CASZ1: variants seen among roughly 807,000 people sequenced by gnomAD.
CASZ1 encodes the protein zinc finger protein castor homolog 1.
A neutral mutation model predicts 135.2 loss-of-function variants in CASZ1; 28 were observed. That is an observed-to-expected ratio of 0.21 (90% CI 0.15 to 0.28). The LOEUF is 0.28. Ranked by LOEUF, CASZ1 falls within the 10% of genes least tolerant of loss-of-function variation. CASZ1 has a pLI of 1.00. For synonymous variants in CASZ1, 1,068 were observed against 1,073.4 expected (o/e 0.99, Z 0.10); for missense variants, 2,161 against 2,453.3 (o/e 0.88, Z 2.52).
intron 2 of CASZ1, among the ~76,000 whole-genome samples, chr1:10,738,432 C>G (rs34071855): frequency 0.34 from 52,461 of 152,204 alleles, 9,999 homozygotes; most frequent in East Asian, 0.74. Flanking sequence ...CACAGCAGGC[C>G]GGGGAAGGGG....
At chr1:10,765,194 C>T (rs1420952252) in intron 1 of CASZ1, among the ~76,000 whole-genome samples, 3 of 151,918 alleles carry the variant, frequency 2.0e-5, no homozygotes, top group Admixed American at 1.3e-4. Context: ...TACGGGGAGG[C>T]GCCTATCATC....
In CASZ1 at chr1:10,717,944, C is replaced by T. The variant is rs943966407; in HGVS notation, c.-76-12400G>A. Among the ~76,000 whole-genome samples, 5 of 152,250 alleles carry T rather than the reference C, an allele frequency of 3.3e-5. No individual in the cohort carries two copies. Among genetic ancestry groups the T allele is most frequent in the South Asian group, 4.1e-4 (2 of 4,836 alleles). ...CTGCGAGCACGCCTGGTCGCCTCAGCGACCAAAGCGGGTGCAGGGACGGGC... is the reference window on the plus strand; with the variant it reads ...CTGCGAGCACGCCTGGTCGCCTCAGTGACCAAAGCGGGTGCAGGGACGGGC... On this transcript the variant is annotated intron_variant, in intron 2 of 20. Coordinates refer to ENST00000377022, the MANE Select transcript of CASZ1 (RefSeq NM_001079843.3). The surrounding 1 kb of genome is among the most constrained non-coding windows in gnomAD (Gnocchi z 4.6).
At chr1:10,740,826 C>T (rs905019599) in intron 2 of CASZ1, among the ~76,000 whole-genome samples, 4 of 151,478 alleles carry the variant, frequency 2.6e-5, no homozygotes, top group South Asian at 2.1e-4. Context: ...GTTGCGGTGG[C>T]GCACACCTGT....
chr1:10,748,650 T>C (rs1445457666), intron 2 of CASZ1, among the ~76,000 whole-genome samples: 3 of 152,086 alleles, frequency 2.0e-5, no homozygotes, highest in Non-Finnish European at 2.9e-5. Context: ...ACCTGACCAC[T>C]AGTTCCAGGC....
chr1:10,729,431 T>G (rs1639662880), intron 2 of CASZ1, among the ~76,000 whole-genome samples: 2 of 152,078 alleles, frequency 1.3e-5, no homozygotes, highest in South Asian at 4.1e-4. Flanking sequence ...TAGCTATCTT[T>G]CCCACCGCAG....
intron 4 of CASZ1, among the ~76,000 whole-genome samples, chr1:10,671,450 T>C (rs1643395495): frequency 6.6e-6 from 1 of 152,092 alleles, no homozygotes; most frequent in Non-Finnish European, 1.5e-5. Flanking sequence ...CCTGCAGCCA[T>C]GAGGGGAGAC....
At position 10,728,885 on chromosome 1, in the gene CASZ1, G is replaced by A. The variant is rs78892927; in HGVS notation, c.-76-23341C>T. On this transcript the variant is annotated intron_variant, in intron 2 of 20. Coordinates refer to ENST00000377022, the MANE Select transcript of CASZ1 (RefSeq NM_001079843.3). The stretch of plus-strand genomic sequence containing the variant: ...CCTCGCTGGGCCGGGCCCAGCACAC[G>A]GGGGCCGCAGGCCCTTTGTTCCACA... 5.4e-3 allele frequency among the ~76,000 whole-genome samples: 823 copies of A among 152,266 alleles called. 40 individuals carry two copies. In the East Asian group the frequency reaches 0.12, roughly 22 times the overall value.
rs954509303 is a variant in CASZ1 at position 10,756,301 on chromosome 1, A to AC, written c.-77+4399dup. ...TTCCCACTTGGGACATCCCCGATGCACCCCCCACCCTCGCCCCCGCAAGAC... is the reference window on the plus strand; with the variant it reads ...TTCCCACTTGGGACATCCCCGATGCACCCCCCCACCCTCGCCCCCGCAAGAC... On this transcript the variant is annotated intron_variant, in intron 2 of 20. Transcript: ENST00000377022. This position sits in a 1 kb window ranked among gnomAD's most constrained non-coding sequence, Gnocchi z 5.9. Among the ~76,000 whole-genome samples, 3 of 149,932 alleles carry AC rather than the reference A, an allele frequency of 2.0e-5. No individual in the cohort carries two copies. The highest frequency in any genetic ancestry group is 4.5e-5 in the Non-Finnish European group (3 of 67,398).
Position 10,651,069 on chromosome 1 carries a change from C to A in CASZ1, c.2688G>T (p.Gly896=). 1 of 1,523,666 alleles carries A rather than the reference C, an allele frequency of 6.6e-7. No homozygotes were observed. Among genetic ancestry groups the A allele is most frequent in the East Asian group, 2.3e-5 (1 of 42,904 alleles). The allele number at this position is 1,523,666 out of a possible 1,614,324, so 94.4% of individuals were successfully genotyped here. ...KPSATFDPGS[G]QQVTPARFPP... ...GGAACCTGGCTGGGGTGACCTGCTG[C>A]CCGCTTCCTGCAGGGGAGGGGTGGG... Residue 896 remains glycine, a synonymous_variant, in exon 12 of 21, where the codon GGG becomes GGT. Coordinates refer to ENST00000377022, the MANE Select transcript of CASZ1 (RefSeq NM_001079843.3).
At position 10,637,622 on chromosome 1, in the gene CASZ1, G is replaced by A. The variant is rs188185377; in HGVS notation, c.*1320C>T. 2.6e-5 allele frequency: 4 copies of A among 152,412 alleles called. No homozygotes were observed. Among genetic ancestry groups the A allele is most frequent in the African/African-American group, 9.6e-5 (4 of 41,514 alleles). 9.4% of individuals were successfully genotyped at this position (152,412 alleles called of 1,614,324 possible). ...GGGAAGGTGGGCAGGTGTGGCCTCG[G>A]GCAGCCTGCCCTCGCAGGGGACTCG... On this transcript the variant is annotated 3_prime_UTR_variant, in exon 21 of 21. Coordinates refer to ENST00000377022, the MANE Select transcript of CASZ1 (RefSeq NM_001079843.3).
At chr1:10,683,513 G>A in intron 4 of CASZ1, among the ~76,000 whole-genome samples, 1 of 152,140 alleles carries the variant, frequency 6.6e-6, no homozygotes, top group East Asian at 1.9e-4. Flanking sequence ...CAGTGAACCG[G>A]GGGGCAAGGT....
chr1:10,639,036 TCCG>T lies in CASZ1; in HGVS notation c.5183_5185del (p.Ala1728del), dbSNP rs779050270. The stretch of plus-strand genomic sequence containing the variant: ...GGTCCGCGCGCCCGCGCCCGCCGCC[TCCG>T]CCGCCGCCTCGGGCAGCGACTCCTC... On this transcript the variant is annotated inframe_deletion, in exon 21 of 21. Coordinates refer to ENST00000377022, the MANE Select transcript of CASZ1 (RefSeq NM_001079843.3). The surrounding 1 kb of genome is among the most constrained non-coding windows in gnomAD (Gnocchi z 4.0). 3 of 1,040,210 alleles carry T rather than the reference TCCG, an allele frequency of 2.9e-6. No homozygotes were observed. The highest frequency in any genetic ancestry group is 1.0e-4 in the East Asian group (1 of 9,764). The allele number at this position is 1,040,210 out of a possible 1,614,324, so 64.4% of individuals were successfully genotyped here.
Position 10,646,001 on chromosome 1 carries a change from G to C in CASZ1, c.3696+127C>G. Reference sequence around the variant, plus strand: ...TGGTGCTCTTTCCAGAGTCCGGGAGGCCCATTTAAATAAGCAAGGTGTGAG... The same window carrying C: ...TGGTGCTCTTTCCAGAGTCCGGGAGCCCCATTTAAATAAGCAAGGTGTGAG... On this transcript the variant is annotated intron_variant, in intron 17 of 20. Coordinates refer to ENST00000377022, the MANE Select transcript of CASZ1 (RefSeq NM_001079843.3). This position sits in a 1 kb window ranked among gnomAD's most constrained non-coding sequence, Gnocchi z 6.4. 1.1e-6 allele frequency: 1 copy of C among 898,326 alleles called. No homozygotes were observed. Among genetic ancestry groups the C allele is most frequent in the Non-Finnish European group, 1.8e-6 (1 of 567,052 alleles). 55.6% of individuals were successfully genotyped at this position (898,326 alleles called of 1,614,324 possible).
Position 10,638,843 on chromosome 1 carries a change from G to A in CASZ1, c.*99C>T, listed in dbSNP as rs1642083979. The A allele has an allele frequency of 2.1e-6, 2 of 969,208 alleles. No homozygotes were observed. Among genetic ancestry groups the A allele is most frequent in the Non-Finnish European group, 2.5e-6 (2 of 815,946 alleles). 60.0% of individuals were successfully genotyped at this position (969,208 alleles called of 1,614,324 possible). On this transcript the variant is annotated 3_prime_UTR_variant, in exon 21 of 21. Transcript: ENST00000377022. The surrounding 1 kb of genome is among the most constrained non-coding windows in gnomAD (Gnocchi z 5.9). ...GACGGACTCGGGGTCCGGAAGCACC[G>A]GCGGGGCGCGGGGCTCTGCCCAGGG...
intron 2 of CASZ1, among the ~76,000 whole-genome samples, chr1:10,710,644 C>T (rs775571327): frequency 6.6e-5 from 10 of 152,224 alleles, no homozygotes; most frequent in Non-Finnish European, 1.3e-4. Flanking sequence ...GTAGGCAGTG[C>T]CTCCTCTCAA....
At position 10,694,319 on chromosome 1, in the gene CASZ1, G is replaced by A. The variant is rs189794114; in HGVS notation, c.-23-407C>T. 1,979 of 1,158,076 alleles carry A rather than the reference G, an allele frequency of 1.7e-3. 25 individuals are homozygous for A. In the African/African-American group the frequency reaches 0.027, roughly 16 times the overall value. 71.7% of individuals were successfully genotyped at this position (1,158,076 alleles called of 1,614,324 possible). Reference sequence around the variant, plus strand: ...CACCATAGTCGGAGAGTCGAAAGCCGAATTCACTTAAATAATCAACTTTCA... The same window carrying A: ...CACCATAGTCGGAGAGTCGAAAGCCAAATTCACTTAAATAATCAACTTTCA... On this transcript the variant is annotated intron_variant, in intron 3 of 20. Coordinates refer to ENST00000377022, the MANE Select transcript of CASZ1 (RefSeq NM_001079843.3). This position sits in a 1 kb window ranked among gnomAD's most constrained non-coding sequence, Gnocchi z 6.6.
intron 3 of CASZ1, among the ~76,000 whole-genome samples, chr1:10,696,815 T>C (rs1570492250): frequency 6.6e-6 from 1 of 152,220 alleles, no homozygotes; most frequent in Non-Finnish European, 1.5e-5. Flanking sequence ...CTGATAGTGG[T>C]CAGAGCCTGA....
Position 10,719,140 on chromosome 1 carries a change from ACTCCT to A in CASZ1, c.-76-13601_-76-13597del, listed in dbSNP as rs1331670847. Among the ~76,000 whole-genome samples the A allele has an allele frequency of 2.0e-5, 3 of 151,482 alleles. No individual in the cohort carries two copies. The highest frequency in any genetic ancestry group is 7.3e-5 in the African/African-American group (3 of 41,156). ...ACCATGTTGGCCAGACTAGTCTCGA[ACTCCT>A]GACCTCAAGCAATCTGCCCGCTTCC... is the stretch of plus-strand genomic sequence containing the variant. On this transcript the variant is annotated intron_variant, in intron 2 of 20. Coordinates refer to ENST00000377022, the MANE Select transcript of CASZ1 (RefSeq NM_001079843.3). The surrounding 1 kb of genome is among the most constrained non-coding windows in gnomAD (Gnocchi z 4.0).
intron 4 of CASZ1, among the ~76,000 whole-genome samples, chr1:10,680,211 C>T (rs907905412): frequency 2.6e-5 from 4 of 151,808 alleles, no homozygotes; most frequent in Admixed American, 6.5e-5. Flanking sequence ...CCAGGAGAGC[C>T]CCTTCCAGGC....
Sources: gnomAD v4.1 joint callset for allele counts (sites outside exome capture counted in the v4.1 genomes callset) on GRCh38, gnomAD v4.1.1 for gene constraint, Gnocchi (gnomAD v3.1) non-coding constraint, MANE v1.5 for transcripts, NCBI Gene and HGNC (gene_info 2026-07-23, HGNC 2026-07-21) for gene names.